ZFP57: variants seen among roughly 807,000 people sequenced by gnomAD.
ZFP57 encodes the protein zinc finger protein 57 homolog.
Under a neutral mutation model 15.8 loss-of-function variants are expected in ZFP57, and 12 were observed. The ratio of observed to expected loss-of-function variants is 0.76; its 90% CI spans 0.49 to 1.23. The LOEUF (loss-of-function observed/expected upper bound fraction) is 1.23, where lower values mean the gene tolerates loss of function less well. Ranked by LOEUF, ZFP57 falls within the 50% of genes most tolerant of loss-of-function variation. The pLI, the probability that ZFP57 is intolerant of heterozygous loss-of-function variation, is 0.00. For synonymous variants in ZFP57, 203 were observed against 242.3 expected (o/e 0.84, Z 1.51); for missense variants, 536 against 654.9 (o/e 0.82, Z 1.98).
Position 29,673,254 on chromosome 6 carries a change from G to A in ZFP57, c.857C>T (p.Pro286Leu), listed in dbSNP as rs753928819. ...AGTACACTCCTGGTTTCCATCCACT[G>A]GCTCCTGGTTTTGGTGTATCTTCTG... Reference protein sequence around the residue: ...RHQKIHQNQEPVDGNQECTLR... With the variant: ...RHQKIHQNQELVDGNQECTLR... The change falls in exon 5 of 5, where the codon CCA (proline) becomes CTA (leucine). Residue 286 changes from proline to leucine, a missense_variant. By Grantham distance (98) the Pro-to-Leu change is moderately conservative. Transcript: ENST00000376883. This position sits in a 1 kb window ranked among gnomAD's most constrained non-coding sequence, Gnocchi z 4.7. 6 of 1,613,048 alleles carry A rather than the reference G, an allele frequency of 3.7e-6. No individual in the cohort carries two copies. The highest frequency in any genetic ancestry group is 5.1e-6 in the Non-Finnish European group (6 of 1,180,032).
At chr6:29,680,423 G>A (rs1009450930) in intron 1 of ZFP57, among the ~76,000 whole-genome samples, 2 of 152,068 alleles carry the variant, frequency 1.3e-5, no homozygotes, top group African/African-American at 2.4e-5. Flanking sequence ...CACCCTTGTC[G>A]TCACCAACCC....
Position 29,673,433 on chromosome 6 carries a change from A to G in ZFP57, c.678T>C (p.Leu226=). ...GCGTGCAACAGAAGGGCCTCTCCCCAAGATGCATGCGTCTGTGATAGCTGA... is the reference window on the plus strand; with the variant it reads ...GCGTGCAACAGAAGGGCCTCTCCCCGAGATGCATGCGTCTGTGATAGCTGA... ...KSLSYHRRMH[L]GERPFCCTLC... The change falls in exon 5 of 5, where the codon CTT becomes CTC. Residue 226 remains leucine, a synonymous_variant. Coordinates refer to ENST00000376883, the MANE Select transcript of ZFP57 (RefSeq NM_001109809.5). The surrounding 1 kb of genome is among the most constrained non-coding windows in gnomAD (Gnocchi z 4.7). 1 of 1,613,092 alleles carries G rather than the reference A, an allele frequency of 6.2e-7. No homozygotes were observed. Among genetic ancestry groups the G allele is most frequent in the East Asian group, 2.2e-5 (1 of 44,882 alleles).
Position 29,672,593 on chromosome 6 carries a change from G to T in ZFP57, c.1518C>A (p.Pro506=), listed in dbSNP as rs754092341. ...CTCTTCTCCTGGGGGTATGGATCCT[G>T]GGGGGAGATTGATCACCTCCATGCT... ...EWKHGGDQSP[P]RIHTPRRRGL... is the part of the protein sequence containing the mutation. Residue 506 remains proline, a synonymous_variant, in exon 5 of 5, where the codon CCC becomes CCA. Coordinates refer to ENST00000376883, the MANE Select transcript of ZFP57 (RefSeq NM_001109809.5). 1.9e-6 allele frequency: 3 copies of T among 1,612,246 alleles called. No individual in the cohort carries two copies. The highest frequency in any genetic ancestry group is 1.1e-5 in the South Asian group (1 of 91,068).
chr6:29,673,778 A>C lies in ZFP57; in HGVS notation c.353-20T>G. ...TGCCTTCTACAGTGAATGAGGAAGA[A>C]TAACACAAAATTCACTGTAAGAACT... On this transcript the variant is annotated intron_variant, in intron 4 of 4. Transcript: ENST00000376883. This position sits in a 1 kb window ranked among gnomAD's most constrained non-coding sequence, Gnocchi z 4.7. 1.2e-6 allele frequency: 2 copies of C among 1,612,748 alleles called. No homozygotes were observed. Among genetic ancestry groups the C allele is most frequent in the Non-Finnish European group, 1.7e-6 (2 of 1,179,982 alleles).
chr6:29,675,428 A>C lies in ZFP57; in HGVS notation c.310T>G (p.Trp104Gly). The change falls in exon 4 of 5, where the codon TGG (tryptophan) becomes GGG (glycine). Residue 104 changes from tryptophan to glycine, a missense_variant. Physicochemically the swap from Trp to Gly is radical, Grantham distance 184 (BLOSUM62 -2). Transcript: ENST00000376883. The part of the protein sequence containing the change: ...ITKLEQEEEQ[W>G]REFVHLPNTE... ...TTTGGGAGATGGACAAACTCTCTCC[A>C]CTGTTCCTCTTCTTGCTCAAGCTTG... The C allele has an allele frequency of 6.2e-7, 1 of 1,614,080 alleles. No homozygotes were observed. The highest frequency in any genetic ancestry group is 8.5e-7 in the Non-Finnish European group (1 of 1,180,026).
In ZFP57 at chr6:29,673,326, G is replaced by A. The variant is rs1488848205; in HGVS notation, c.785C>T (p.Ser262Phe). Residue 262 changes from serine to phenylalanine, a missense_variant, in exon 5 of 5, where the codon TCT (serine) becomes TTT (phenylalanine). Transcript: ENST00000376883. The surrounding 1 kb of genome is among the most constrained non-coding windows in gnomAD (Gnocchi z 4.7). ...VHLGYRPHSC[S>F]VCGKSFRDQS... Reference sequence around the variant, plus strand: ...GTCCCGGAAGCTCTTCCCACACACAGAGCATGAATGGGGCCGGTAACCCAG... The same window carrying A: ...GTCCCGGAAGCTCTTCCCACACACAAAGCATGAATGGGGCCGGTAACCCAG... The A allele has an allele frequency of 6.2e-7, 1 of 1,613,046 alleles. No individual in the cohort carries two copies. Among genetic ancestry groups the A allele is most frequent in the East Asian group, 2.2e-5 (1 of 44,880 alleles).
Position 29,676,904 on chromosome 6 carries a change from A to G in ZFP57, c.100T>C (p.Trp34Arg). The G allele has an allele frequency of 1.2e-6, 2 of 1,614,152 alleles. No homozygotes were observed. The highest frequency in any genetic ancestry group is 1.3e-5 in the African/African-American group (1 of 75,046). ...TLQEAMKRDC[W>R]REARVKKKPV... ...ACCTTCTTCACCCGTGCCTCCCTCC[A>G]GCAATCTCTCTTCATGGCTTCCTGC... Residue 34 changes from tryptophan (W) to arginine (R), a missense_variant, in exon 2 of 5, where the codon TGG becomes CGG. By Grantham distance (101) the Trp-to-Arg change is moderately radical. Coordinates refer to ENST00000376883, the MANE Select transcript of ZFP57 (RefSeq NM_001109809.5).
At chr6:29,678,893 C>T (rs1247677793) in intron 1 of ZFP57, among the ~76,000 whole-genome samples, 6 of 152,116 alleles carry the variant, frequency 3.9e-5, no homozygotes, top group African/African-American at 1.2e-4. Context: ...ATTAGCTGGG[C>T]GTGGTGGCAC....
Position 29,677,224 on chromosome 6 carries a change from A to C in ZFP57, c.-221T>G. Reference sequence around the variant, plus strand: ...GCTGTCCAAATTCTCCTCTTCCACAATTGAGAACAATTTTGCTTCCCTCAA... The same window carrying C: ...GCTGTCCAAATTCTCCTCTTCCACACTTGAGAACAATTTTGCTTCCCTCAA... On this transcript the variant is annotated 5_prime_UTR_variant, in exon 2 of 5. Coordinates refer to ENST00000376883, the MANE Select transcript of ZFP57 (RefSeq NM_001109809.5). The C allele has an allele frequency of 4.8e-6, 3 of 624,842 alleles. No individual in the cohort carries two copies. Among genetic ancestry groups the C allele is most frequent in the African/African-American group, 1.8e-5 (1 of 54,434 alleles). The allele number at this position is 624,842 out of a possible 1,614,324, so 38.7% of individuals were successfully genotyped here.
chr6:29,676,179 T>C (rs1772064109), intron 2 of ZFP57, 120 bp from the exon 3 acceptor site: 18 of 1,088,204 alleles, frequency 1.7e-5, no homozygotes, highest in South Asian at 3.0e-5. Context: ...AAGAGAAAGA[T>C]AAAACCATGG....
chr6:29,674,144 AAGAAGG>A (rs1256041455), intron 4 of ZFP57, among the ~76,000 whole-genome samples: 7 of 151,092 alleles, frequency 4.6e-5, no homozygotes, highest in Non-Finnish European at 8.8e-5. Flanking sequence ...GGAGAAGGAG[AAGAAGG>A]AGAAGGAGAA....
chr6:29,679,659 C>T (rs1474007519), intron 1 of ZFP57, among the ~76,000 whole-genome samples: 2 of 152,162 alleles, frequency 1.3e-5, no homozygotes, highest in South Asian at 2.1e-4. Context: ...GAGGCCGAGG[C>T]GGGCGGATCA....
intron 1 of ZFP57, among the ~76,000 whole-genome samples, chr6:29,680,055 G>A (rs1370822127): frequency 6.6e-6 from 1 of 152,146 alleles, no homozygotes; most frequent in Non-Finnish European, 1.5e-5. Context: ...TCTAACCCCC[G>A]TGGGGACTGA....
At chr6:29,678,679 C>A (rs1029102220) in intron 1 of ZFP57, among the ~76,000 whole-genome samples, 1 of 152,178 alleles carries the variant, frequency 6.6e-6, no homozygotes, top group Non-Finnish European at 1.5e-5. Flanking sequence ...TGTTGTCAAT[C>A]TCTTACCATG....
In ZFP57 at chr6:29,673,094, A is replaced by T; in HGVS notation, c.1017T>A (p.Pro339=). 6.2e-7 allele frequency: 1 copy of T among 1,612,958 alleles called. No homozygotes were observed. Among genetic ancestry groups the T allele is most frequent in the East Asian group, 2.2e-5 (1 of 44,862 alleles). The change falls in exon 5 of 5, where the codon CCT becomes CCA. Residue 339 remains proline, a synonymous_variant. Coordinates refer to ENST00000376883, the MANE Select transcript of ZFP57 (RefSeq NM_001109809.5). The surrounding 1 kb of genome is among the most constrained non-coding windows in gnomAD (Gnocchi z 4.7). ...SQEPIFRTEG[P]MAQNQASVLK... ...GTACAGATGCCTGGTTCTGGGCCAT[A>T]GGACCCTCAGTTCTAAATATGGGTT...
At position 29,673,183 on chromosome 6, in the gene ZFP57, TGGCGATG is replaced by T. The variant is rs778814024; in HGVS notation, c.921_927del (p.Ile308GlufsTer12). 4 of 1,612,908 alleles carry T rather than the reference TGGCGATG, an allele frequency of 2.5e-6. No individual in the cohort carries two copies. In the African/African-American group the frequency reaches 5.3e-5, roughly 22 times the overall value. On this transcript the variant is annotated frameshift_variant, in exon 5 of 5. Coordinates refer to ENST00000376883, the MANE Select transcript of ZFP57 (RefSeq NM_001109809.5). LOFTEE classifies it low-confidence loss of function (END_TRUNC). This position sits in a 1 kb window ranked among gnomAD's most constrained non-coding sequence, Gnocchi z 4.7. ...AGCCCCTGGATGGACCTCTGGCTTCTGGCGATGGGTGTCTGGAATTCAGCCTGGGTGC... is the reference window on the plus strand; with the variant it reads ...AGCCCCTGGATGGACCTCTGGCTTCTGGTGTCTGGAATTCAGCCTGGGTGC...
intron 2 of ZFP57, 74 bp downstream of exon 2, chr6:29,676,807 G>A: frequency 6.4e-7 from 1 of 1,573,982 alleles, no homozygotes; most frequent in Non-Finnish European, 8.7e-7. Context: ...TTGACCTGCA[G>A]GCAGGAGTAT....
At chr6:29,674,292 C>A (rs1020457813) in intron 4 of ZFP57, among the ~76,000 whole-genome samples, 1 of 152,178 alleles carries the variant, frequency 6.6e-6, no homozygotes, top group Admixed American at 6.5e-5. Context: ...TTCAGCCTAA[C>A]ACACTTCTTG....
At chr6:29,678,860 C>T (rs1188539799) in intron 1 of ZFP57, among the ~76,000 whole-genome samples, 1 of 152,090 alleles carries the variant, frequency 6.6e-6, no homozygotes, top group African/African-American at 2.4e-5. Flanking sequence ...TGGTGAAACC[C>T]CGTCTCTACT....
Sources: allele counts gnomAD v4.1 joint callset (sites outside exome capture counted in the v4.1 genomes callset), GRCh38; gene constraint gnomAD v4.1.1; non-coding constraint Gnocchi (gnomAD v3.1); transcripts MANE v1.5; gene names NCBI Gene and HGNC (gene_info 2026-07-23, HGNC 2026-07-21).